The following ARAP2 variants were observed in gnomAD, a reference collection of about 807,000 sequenced individuals.
The protein encoded by ARAP2 is ArfGAP with RhoGAP domain, ankyrin repeat and PH domain 2.
In ARAP2, 148 loss-of-function variants were observed where a neutral mutation model predicts 194.5. The observed-to-expected ratio is 0.76, with a 90% CI of 0.67 to 0.87. ARAP2 has a LOEUF of 0.87. Ranked by LOEUF, ARAP2 falls within the 40% of genes least tolerant of loss-of-function variation. The probability of loss-of-function intolerance (pLI) is 0.00; values close to 1 mark genes in which losing one functional copy is unlikely to be tolerated. For synonymous variants in ARAP2, 695 were observed against 683.5 expected (o/e 1.02, Z -0.26); for missense variants, 2,128 against 1,989.7 (o/e 1.07, Z -1.32).
chr4:36,069,654 A>C (rs1726340513), intron 32 of ARAP2, among the ~76,000 whole-genome samples: 1 of 152,214 alleles, frequency 6.6e-6, no homozygotes, highest in South Asian at 2.1e-4. Flanking sequence ...AACCATCAGC[A>C]TAAAAACTTT....
intron 10 of ARAP2, chr4:36,005,673 G>A (rs1341123321): frequency 6.6e-6 from 1 of 152,036 alleles, no homozygotes; most frequent in Non-Finnish European, 1.5e-5. Flanking sequence ...TTGCCTCTAA[G>A]CTGTTTAACA....
intron 26 of ARAP2, among the ~76,000 whole-genome samples, chr4:36,112,055 A>G (rs1227646973): frequency 6.6e-6 from 1 of 151,976 alleles, no homozygotes; most frequent in Admixed American, 6.6e-5. Context: ...ATGGTTCCTA[A>G]TCTACAGGCA....
At chr4:36,240,850 A>T (rs1458898426) in intron 1 of ARAP2, among the ~76,000 whole-genome samples, 2 of 152,180 alleles carry the variant, frequency 1.3e-5, no homozygotes, top group Non-Finnish European at 2.9e-5. Flanking sequence ...ACTTAAAAAC[A>T]ATTTCCATCC....
At chr4:36,184,393 T>C (rs565825710) in intron 8 of ARAP2, among the ~76,000 whole-genome samples, 32 of 152,290 alleles carry the variant, frequency 2.1e-4, no homozygotes, top group African/African-American at 7.5e-4. Context: ...TAATTCCATG[T>C]GTATACAGTG....
Position 36,128,738 on chromosome 4 carries a change from T to A in ARAP2, c.3435A>T (p.Gly1145=), listed in dbSNP as rs547996388. 2 of 1,536,852 alleles carry A rather than the reference T, an allele frequency of 1.3e-6. No individual in the cohort carries two copies. Among genetic ancestry groups the A allele is most frequent in the South Asian group, 1.2e-5 (1 of 84,916 alleles). Residue 1145 remains glycine (G), a synonymous_variant, in exon 21 of 33, where the codon GGA becomes GGT. Coordinates refer to ENST00000303965, the MANE Select transcript of ARAP2 (RefSeq NM_015230.4). ...CIAFVTQYGL[G]CKYIYQKNGD... is the part of the protein sequence containing the mutation. ...CATTCTTTTGATAGATATATTTGCATCCTAAACCTTTGTTTAAAAAAAAAA... is the reference window on the plus strand; with the variant it reads ...CATTCTTTTGATAGATATATTTGCAACCTAAACCTTTGTTTAAAAAAAAAA...
At chr4:36,092,696 T>G (rs982533254) in intron 27 of ARAP2, among the ~76,000 whole-genome samples, 1 of 152,208 alleles carries the variant, frequency 6.6e-6, no homozygotes, top group African/African-American at 2.4e-5. Flanking sequence ...ATATGTGATA[T>G]TAAATAAAAC....
At chr4:36,036,601 C>A (rs1224643706) in intron 5 of ARAP2, among the ~76,000 whole-genome samples, 1 of 151,940 alleles carries the variant, frequency 6.6e-6, no homozygotes, top group East Asian at 1.9e-4. Flanking sequence ...TATCTCTATA[C>A]CACAGTAAGT....
At chr4:36,018,644 T>C (rs115217314) in intron 6 of ARAP2, among the ~76,000 whole-genome samples, 42 of 152,260 alleles carry the variant, frequency 2.8e-4, no homozygotes, top group South Asian at 8.3e-4. Flanking sequence ...GACTGATTAT[T>C]TTCTCCCATC....
At chr4:36,033,119 G>A (rs1719286280) in intron 5 of ARAP2, among the ~76,000 whole-genome samples, 1 of 152,116 alleles carries the variant, frequency 6.6e-6, no homozygotes, top group Non-Finnish European at 1.5e-5. Flanking sequence ...GTTGTAAATA[G>A]TGTTTCCATA....
intron 1 of ARAP2, among the ~76,000 whole-genome samples, chr4:36,236,126 C>A (rs1470872429): frequency 6.7e-6 from 1 of 149,400 alleles, no homozygotes; most frequent in Non-Finnish European, 1.5e-5. Flanking sequence ...TTTCAGTGAG[C>A]TGAGATTGCA....
chr4:36,198,325 G>A (rs576842384), intron 6 of ARAP2, among the ~76,000 whole-genome samples: 1 of 152,312 alleles, frequency 6.6e-6, no homozygotes, highest in Non-Finnish European at 1.5e-5. Context: ...GCACCAACTG[G>A]TCCATGGGCA....
At chr4:36,085,970 T>C (rs1183259476) in intron 28 of ARAP2, among the ~76,000 whole-genome samples, 3 of 152,032 alleles carry the variant, frequency 2.0e-5, no homozygotes, top group African/African-American at 7.2e-5. Context: ...ATTTTAACAA[T>C]TTGAACTGTC....
chr4:36,140,616 T>A (rs539043635), intron 19 of ARAP2, among the ~76,000 whole-genome samples: 5 of 151,828 alleles, frequency 3.3e-5, no homozygotes, highest in South Asian at 2.1e-4. Flanking sequence ...TCTGGAGTAT[T>A]GCTAACATAT....
intron 27 of ARAP2, among the ~76,000 whole-genome samples, chr4:36,094,290 C>A (rs1714583885): frequency 6.6e-6 from 1 of 152,148 alleles, no homozygotes. Context: ...TGCAGCCTCA[C>A]ATTATGTACT....
chr4:36,049,900 T>C (rs909170543), intron 3 of ARAP2, among the ~76,000 whole-genome samples: 1 of 152,162 alleles, frequency 6.6e-6, no homozygotes, highest in Non-Finnish European at 1.5e-5. Flanking sequence ...GCTCTTTGAA[T>C]TAAACATGCA....
chr4:36,169,768 G>A (rs527366726), intron 9 of ARAP2, among the ~76,000 whole-genome samples: 106 of 152,208 alleles, frequency 7.0e-4, no homozygotes, highest in Non-Finnish European at 1.1e-3. Flanking sequence ...TCCTGACCTC[G>A]TGATCTGCCT....
rs530027075 is a variant in ARAP2 at position 36,206,667 on chromosome 4, T to C, written c.1487+3723A>G. Among the ~76,000 whole-genome samples, 10 of 152,342 alleles carry C rather than the reference T, an allele frequency of 6.6e-5. No individual in the cohort carries two copies. The East Asian group carries it at 1.9e-3, about 29-fold the overall frequency. On this transcript the variant is annotated intron_variant, in intron 6 of 32. Coordinates refer to ENST00000303965, the MANE Select transcript of ARAP2 (RefSeq NM_015230.4). ...CTTTTTGCTCCAATTATTATACTTT[T>C]GTCTTTGGGTTTTATCACTATTCAC...
At chr4:36,111,498 G>C (rs1434850171) in intron 26 of ARAP2, among the ~76,000 whole-genome samples, 1 of 151,856 alleles carries the variant, frequency 6.6e-6, no homozygotes, top group East Asian at 1.9e-4. Flanking sequence ...TTAACTCTAA[G>C]TGTATTCTTT....
intron 12 of ARAP2, 49 bp downstream of exon 12, chr4:36,161,416 T>C (rs1274492094): frequency 6.7e-7 from 1 of 1,502,384 alleles, no homozygotes; most frequent in South Asian, 1.1e-5. Context: ...TCCCAGTCTC[T>C]GCAAACTGAA....
Sources: gnomAD v4.1 joint callset for allele counts (sites outside exome capture counted in the v4.1 genomes callset) on GRCh38, gnomAD v4.1.1 for gene constraint, MANE v1.5 for transcripts, NCBI Gene and HGNC (gene_info 2026-07-23, HGNC 2026-07-21) for gene names.